Variants in NBAS observed in about 807,000 individuals in gnomAD.
NBAS encodes NBAS subunit of NRZ tethering complex.
In NBAS, 219 loss-of-function variants were observed where a neutral mutation model predicts 302.5. The observed-to-expected ratio is 0.72, with a 90% CI of 0.65 to 0.81. The LOEUF (loss-of-function observed/expected upper bound fraction) is 0.81, where lower values mean the gene tolerates loss of function less well. Ranked by LOEUF, NBAS falls within the 30% of genes least tolerant of loss-of-function variation. The pLI is 0.00. For missense variants in NBAS, 2,932 were observed against 2,841.6 expected, an observed-to-expected ratio of 1.03 and a Z score of -0.72; for synonymous variants, 1,118 against 1,021.6, an observed-to-expected ratio of 1.09 and a Z score of -1.80.
chr2:15,309,155 G>A lies in NBAS; in HGVS notation c.4659+16C>T, dbSNP rs150657449. On this transcript the variant is annotated intron_variant, in intron 39 of 51. Coordinates refer to ENST00000281513, the MANE Select transcript of NBAS (RefSeq NM_015909.4). ...TTTAGTCATTTTAAATTCTTCATTG[G>A]TAAGGGCAAACTTACTTGTGGTAAG... The A allele has an allele frequency of 1.2e-6, 2 of 1,604,502 alleles. No individual in the cohort carries two copies. Among genetic ancestry groups the A allele is most frequent in the East Asian group, 4.5e-5 (2 of 44,632 alleles).
At chr2:15,329,629 C>G (rs985722098) in intron 36 of NBAS, among the ~76,000 whole-genome samples, 2 of 152,198 alleles carry the variant, frequency 1.3e-5, no homozygotes, top group Non-Finnish European at 1.5e-5. Flanking sequence ...GGCCTCCCCA[C>G]CACCTTCTGA....
At chr2:15,319,463 G>GT (rs139362311) in intron 38 of NBAS, among the ~76,000 whole-genome samples, 35,617 of 151,742 alleles carry the variant, frequency 0.23, 4,587 homozygotes, top group Middle Eastern at 0.39. Context: ...CCAGGAGCTG[G>GT]TTTTTTTAAA....
intron 51 of NBAS, 77 bp downstream of exon 51, chr2:15,178,911 G>T: frequency 6.3e-7 from 1 of 1,583,314 alleles, no homozygotes. Context: ...TGTTATTTAT[G>T]AGAATGAAAG....
At chr2:15,135,941 G>T in the NBAS span, among the ~76,000 whole-genome samples, 4 of 151,948 alleles carry the variant, frequency 2.6e-5, no homozygotes, top group East Asian at 5.8e-4. Flanking sequence ...TTTGTTTTGG[G>T]TCGCATTCAA....
the NBAS span, among the ~76,000 whole-genome samples, chr2:15,116,774 G>A: frequency 3.3e-5 from 5 of 152,154 alleles, no homozygotes; most frequent in African/African-American, 1.2e-4. Context: ...ATTTGCAGAT[G>A]GAAACGTCTC....
chr2:14,977,824 G>T, the NBAS span, among the ~76,000 whole-genome samples: 2 of 152,074 alleles, frequency 1.3e-5, no homozygotes, highest in Non-Finnish European at 2.9e-5. Context: ...CAGGATACCT[G>T]ATTGGCCTTA....
intron 21 of NBAS, among the ~76,000 whole-genome samples, chr2:15,452,520 G>A (rs1411503727): frequency 5.3e-5 from 8 of 151,378 alleles, no homozygotes; most frequent in South Asian, 2.1e-4. Context: ...CCCAGGAGGC[G>A]GAGCTTGCAC....
Position 15,424,368 on chromosome 2 carries a change from C to T in NBAS, c.2524G>A (p.Val842Ile). The change falls in exon 23 of 52, where the codon GTT becomes ATT. Residue 842 changes from valine (V) to isoleucine (I), a missense_variant. Transcript: ENST00000281513. Reference sequence around the variant, plus strand: ...GCTCTGGTCTGATACCAGTCCATAACCTTCTCCACCGTAAGCTGGGTCATC... The same window carrying T: ...GCTCTGGTCTGATACCAGTCCATAATCTTCTCCACCGTAAGCTGGGTCATC... Reference protein sequence around the residue: ...FRMTQLTVEKVMDWYQTRAEE... With the variant: ...FRMTQLTVEKIMDWYQTRAEE... 2 of 1,614,100 alleles carry T rather than the reference C, an allele frequency of 1.2e-6. No individual in the cohort carries two copies. The highest frequency in any genetic ancestry group is 1.1e-5 in the South Asian group (1 of 91,076).
At chr2:15,160,585 CGG>C in the NBAS span, among the ~76,000 whole-genome samples, 1 of 92,290 alleles carries the variant, frequency 1.1e-5, no homozygotes, top group Non-Finnish European at 2.2e-5. Context: ...CCAGTGTGGG[CGG>C]GGGGAGGGGG....
intron 44 of NBAS, among the ~76,000 whole-genome samples, chr2:15,256,125 T>C (rs1668580481): frequency 6.6e-6 from 1 of 152,112 alleles, no homozygotes; most frequent in African/African-American, 2.4e-5. Flanking sequence ...TTGTATTAAA[T>C]TTATAGACTG....
chr2:15,112,244 G>GA, the NBAS span, among the ~76,000 whole-genome samples: 12 of 149,280 alleles, frequency 8.0e-5, no homozygotes, highest in African/African-American at 2.9e-4. Flanking sequence ...ATAGAACTCA[G>GA]AAAAAAGAGA....
the NBAS span, among the ~76,000 whole-genome samples, chr2:15,014,996 A>G: frequency 6.6e-6 from 1 of 151,986 alleles, no homozygotes; most frequent in African/African-American, 2.4e-5. Flanking sequence ...AGAGACTACT[A>G]TGAGCAAATA....
the NBAS span, among the ~76,000 whole-genome samples, chr2:14,848,317 G>C: frequency 1.0e-5 from 1 of 100,024 alleles, no homozygotes; most frequent in Non-Finnish European, 1.9e-5. Flanking sequence ...AAGGGGTGAC[G>C]GACACACCTG....
At chr2:15,099,716 T>C in the NBAS span, among the ~76,000 whole-genome samples, 2 of 152,082 alleles carry the variant, frequency 1.3e-5, no homozygotes, top group African/African-American at 4.8e-5. Flanking sequence ...CTCACCAAGA[T>C]GGCTTGACCA....
the NBAS span, among the ~76,000 whole-genome samples, chr2:15,001,041 C>T: frequency 6.6e-6 from 1 of 152,178 alleles, no homozygotes; most frequent in Non-Finnish European, 1.5e-5. Flanking sequence ...CTCCCACAGG[C>T]AGGACTGGGA....
At chr2:14,811,002 C>T in the NBAS span, among the ~76,000 whole-genome samples, 3 of 152,226 alleles carry the variant, frequency 2.0e-5, no homozygotes, top group South Asian at 4.1e-4. Flanking sequence ...ACATCCAAAA[C>T]ATCATCCCTC....
intron 42 of NBAS, among the ~76,000 whole-genome samples, chr2:15,280,350 G>A (rs1291609962): frequency 1.3e-5 from 2 of 152,066 alleles, no homozygotes; most frequent in African/African-American, 2.4e-5. Context: ...GAGGAAGGAG[G>A]AGGCAAGAAG....
chr2:15,417,620 T>G lies in NBAS; in HGVS notation c.2670A>C (p.Thr890=), dbSNP rs745487563. 6.2e-7 allele frequency: 1 copy of G among 1,614,030 alleles called. No homozygotes were observed. Among genetic ancestry groups the G allele is most frequent in the South Asian group, 1.1e-5 (1 of 91,078 alleles). The change falls in exon 24 of 52, where the codon ACA becomes ACC. Residue 890 remains threonine, a synonymous_variant. Coordinates refer to ENST00000281513, the MANE Select transcript of NBAS (RefSeq NM_015909.4). Reference sequence around the variant, plus strand: ...CATCACACCTGGCTTCATAAACCAATGTTTCCAGAGTAACCAAATTGTCAC... The same window carrying G: ...CATCACACCTGGCTTCATAAACCAAGGTTTCCAGAGTAACCAAATTGTCAC... The part of the protein sequence containing the change: ...VLCDNLVTLE[T]LVYEARCDVT...
chr2:14,798,915 A>G, the NBAS span, among the ~76,000 whole-genome samples: 1 of 152,204 alleles, frequency 6.6e-6, no homozygotes, highest in African/African-American at 2.4e-5. Context: ...GTAATGTCAT[A>G]TATTTCATTC....
Sources: allele counts gnomAD v4.1 joint callset (sites outside exome capture counted in the v4.1 genomes callset), GRCh38; gene constraint gnomAD v4.1.1; transcripts MANE v1.5; gene names NCBI Gene and HGNC (gene_info 2026-07-23, HGNC 2026-07-21).